Variants in EDDM13 observed in about 807,000 individuals in gnomAD.
EDDM13 encodes the protein epididymal protein 13.
A neutral mutation model predicts 17.8 loss-of-function variants in EDDM13; 24 were observed. The observed-to-expected ratio is 1.35, with a 90% CI of 0.98 to 1.90. The LOEUF is 1.90. Ranked by LOEUF, EDDM13 falls within the 40% of genes most tolerant of loss-of-function variation. The pLI, the probability that EDDM13 is intolerant of heterozygous loss-of-function variation, is 0.00. For missense variants in EDDM13, 97 were observed against 100.8 expected (o/e 0.96, Z 0.16); for synonymous variants, 31 against 37.5 (o/e 0.83, Z 0.63).
intron 2 of EDDM13, among the ~76,000 whole-genome samples, chr19:56,278,430 A>T (rs2038431239): frequency 6.6e-6 from 1 of 152,192 alleles, no homozygotes. Flanking sequence ...CGCCCCGCCC[A>T]GCCACAATGT....
intron 2 of EDDM13, among the ~76,000 whole-genome samples, chr19:56,278,923 A>G (rs950259012): frequency 1.3e-5 from 2 of 152,150 alleles, no homozygotes; most frequent in Non-Finnish European, 2.9e-5. Context: ...CCTCCATCCA[A>G]CTGGATGGTG....
chr19:56,302,017 G>A lies in EDDM13; in HGVS notation c.345G>A (p.Arg115=). 7 of 1,232,068 alleles carry A rather than the reference G, an allele frequency of 5.7e-6. No homozygotes were observed. The highest frequency in any genetic ancestry group is 7.1e-6 in the Non-Finnish European group (7 of 988,246). 76.3% of individuals were successfully genotyped at this position (1,232,068 alleles called of 1,614,324 possible). The stretch of plus-strand genomic sequence containing the variant: ...CATCCAGGAAACCACTCCCCAAGAG[G>A]AAGAACACGTGGAACTTCCTGAAAT... ...TTPSRKPLPK[R]KNTWNFLKCA... Residue 115 remains arginine (R), a synonymous_variant, in exon 13 of 15, where the codon AGG becomes AGA. Transcript: ENST00000649256.
chr19:56,277,951 A>G (rs2038388525), intron 2 of EDDM13, among the ~76,000 whole-genome samples: 1 of 152,190 alleles, frequency 6.6e-6, no homozygotes, highest in East Asian at 1.9e-4. Context: ...ATACTGACAT[A>G]AATAAAATGT....
intron 2 of EDDM13, among the ~76,000 whole-genome samples, chr19:56,276,788 C>T (rs1480335861): frequency 2.6e-5 from 4 of 151,984 alleles, no homozygotes; most frequent in East Asian, 1.9e-4. Context: ...CCGCCCACCT[C>T]GGCCTCCCAA....
chr19:56,303,968 C>A (rs1374629332), intron 13 of EDDM13, among the ~76,000 whole-genome samples: 1 of 152,148 alleles, frequency 6.6e-6, no homozygotes, highest in Non-Finnish European at 1.5e-5. Flanking sequence ...TCTATGTGAC[C>A]TGAGAGGGGC....
intron 14 of EDDM13, among the ~76,000 whole-genome samples, chr19:56,309,064 T>C (rs1027873510): frequency 1.3e-5 from 2 of 152,302 alleles, no homozygotes; most frequent in East Asian, 3.9e-4. Flanking sequence ...CAACAACTGA[T>C]GAAAGGATAA....
At chr19:56,291,912 G>C (rs1026614534) in intron 9 of EDDM13, among the ~76,000 whole-genome samples, 1 of 152,160 alleles carries the variant, frequency 6.6e-6, no homozygotes, top group African/African-American at 2.4e-5. Flanking sequence ...CTAGGTGCCA[G>C]GCGCGAGGCA....
intron 8 of EDDM13, among the ~76,000 whole-genome samples, chr19:56,289,729 T>C (rs1313043044): frequency 2.6e-5 from 4 of 152,166 alleles, no homozygotes; most frequent in Non-Finnish European, 5.9e-5. Context: ...TCCTCCTGCC[T>C]CAGCCTCCTG....
intron 13 of EDDM13, among the ~76,000 whole-genome samples, chr19:56,302,376 CCTT>C (rs1318877190): frequency 6.9e-6 from 1 of 145,784 alleles, no homozygotes; most frequent in Non-Finnish European, 1.5e-5. Flanking sequence ...CTTACTTCCT[CCTT>C]CTCTCTCCTC....
intron 11 of EDDM13, among the ~76,000 whole-genome samples, chr19:56,297,258 T>G (rs1242215172): frequency 6.6e-6 from 1 of 152,070 alleles, no homozygotes; most frequent in Non-Finnish European, 1.5e-5. Flanking sequence ...CTTTATTCTC[T>G]TCTCTCCTCA....
Position 56,292,499 on chromosome 19 carries a change from G to T in EDDM13, c.232+1653G>T, listed in dbSNP as rs140648629. ...TTTTTTGTTTTGCTTTGTTGCCAAGGCTGGTCTTCAATTCCGGGGCTCAAG... is the reference window on the plus strand; with the variant it reads ...TTTTTTGTTTTGCTTTGTTGCCAAGTCTGGTCTTCAATTCCGGGGCTCAAG... On this transcript the variant is annotated intron_variant, in intron 9 of 14. Transcript: ENST00000649256. Among the ~76,000 whole-genome samples, 338 of 122,544 alleles carry T rather than the reference G, an allele frequency of 2.8e-3. 1 individual carries two copies. Among genetic ancestry groups the T allele is most frequent in the Middle Eastern group, 5.8e-3 (1 of 172 alleles). 80.4% of individuals were successfully genotyped at this position (122,544 alleles called of 152,430 possible).
chr19:56,284,211 G>C lies in EDDM13; in HGVS notation c.127+5G>C. On this transcript the variant is annotated splice_donor_5th_base_variant and intron_variant, in intron 5 of 14. Transcript: ENST00000649256. ...GGCTGCCATCAGGGATCATAGGTAA[G>C]TACCTTGCCACTTCACAATGCCCCC... 1.0e-6 allele frequency: 1 copy of C among 985,094 alleles called. No homozygotes were observed. Among genetic ancestry groups the C allele is most frequent in the Non-Finnish European group, 1.2e-6 (1 of 829,570 alleles). 61.0% of individuals were successfully genotyped at this position (985,094 alleles called of 1,614,324 possible).
chr19:56,296,180 G>C (rs1353210184), intron 10 of EDDM13, 156 bp from the exon 11 acceptor site: 1 of 152,562 alleles, frequency 6.6e-6, no homozygotes, highest in Non-Finnish European at 1.5e-5. Flanking sequence ...GGGGGGAGGT[G>C]GCAGTGGGGA....
chr19:56,292,755 T>G (rs1276024392), intron 9 of EDDM13, among the ~76,000 whole-genome samples: 1 of 152,130 alleles, frequency 6.6e-6, no homozygotes, highest in Admixed American at 6.5e-5. Flanking sequence ...CAACCACCAT[T>G]TCACTTTCTG....
chr19:56,275,686 T>A (rs1450181724), intron 1 of EDDM13, among the ~76,000 whole-genome samples: 7 of 152,222 alleles, frequency 4.6e-5, no homozygotes, highest in Non-Finnish European at 1.0e-4. Flanking sequence ...TGTAAGATGT[T>A]TGGGACATCC....
At chr19:56,286,887 G>A (rs2039165655) in intron 6 of EDDM13, among the ~76,000 whole-genome samples, 5 of 152,230 alleles carry the variant, frequency 3.3e-5, no homozygotes, top group Admixed American at 3.3e-4. Flanking sequence ...ATCCATATCT[G>A]GAATTTCCAC....
At chr19:56,303,295 T>C (rs2040468584) in intron 13 of EDDM13, among the ~76,000 whole-genome samples, 1 of 151,786 alleles carries the variant, frequency 6.6e-6, no homozygotes, top group Non-Finnish European at 1.5e-5. Flanking sequence ...CTGGTCAACA[T>C]GGTGAAACCC....
At chr19:56,279,907 TTTAA>T (rs2038558371) in intron 2 of EDDM13, among the ~76,000 whole-genome samples, 1 of 152,134 alleles carries the variant, frequency 6.6e-6, no homozygotes, top group African/African-American at 2.4e-5. Context: ...TTACATAAAC[TTTAA>T]TTACATTTAA....
intron 9 of EDDM13, among the ~76,000 whole-genome samples, chr19:56,295,513 T>G (rs1476252796): frequency 6.6e-6 from 1 of 152,090 alleles, no homozygotes; most frequent in Non-Finnish European, 1.5e-5. Flanking sequence ...GAGAATCGCT[T>G]GAACCCGGGA....
Sources: allele counts gnomAD v4.1 joint callset (sites outside exome capture counted in the v4.1 genomes callset), GRCh38; gene constraint gnomAD v4.1.1; transcripts MANE v1.5; gene names NCBI Gene and HGNC (gene_info 2026-07-23, HGNC 2026-07-21).